TMEM109: variants seen among roughly 807,000 people sequenced by gnomAD.
The protein encoded by TMEM109 is transmembrane protein 109.
Under a neutral mutation model 26.4 loss-of-function variants are expected in TMEM109, and 19 were observed. The observed-to-expected ratio is 0.72, with a 90% CI of 0.50 to 1.06. The LOEUF is 1.06. Among genes scored for constraint, TMEM109 ranks in the 50% least tolerant of loss-of-function variants. TMEM109 has a pLI of 0.00. For missense variants in TMEM109, 262 were observed against 303.4 expected, an observed-to-expected ratio of 0.86 and a Z score of 1.01; for synonymous variants, 129 against 142.0, an observed-to-expected ratio of 0.91 and a Z score of 0.65.
chr11:60,920,772 T>G, intron 2 of TMEM109, 114 bp from the exon 3 acceptor site: 179 of 963,878 alleles, frequency 1.9e-4, no homozygotes, highest in Non-Finnish European at 2.5e-4. Flanking sequence ...CACCACTGGG[T>G]GAGAAACAGG....
At chr11:60,921,087 G>T in intron 3 of TMEM109, 99 bp downstream of exon 3, 2 of 1,063,726 alleles carry the variant, frequency 1.9e-6, no homozygotes, top group East Asian at 4.9e-5. Flanking sequence ...TCCCCAAGCT[G>T]CTTAACCCTT....
intron 1 of TMEM109, among the ~76,000 whole-genome samples, chr11:60,915,853 C>G (rs1302315561): frequency 6.6e-6 from 1 of 152,198 alleles, no homozygotes; most frequent in Non-Finnish European, 1.5e-5. Context: ...GTTTCCCCAG[C>G]CAGGCTGGGC....
chr11:60,919,810 T>A lies in TMEM109; in HGVS notation c.117T>A (p.Phe39Leu), dbSNP rs754193967. 5 of 1,614,046 alleles carry A rather than the reference T, an allele frequency of 3.1e-6. No homozygotes were observed. In the African/African-American group the frequency reaches 6.7e-5, roughly 22 times the overall value. Reference sequence around the variant, plus strand: ...CATTGGCCCAGTCCCGTCGAGACTTTGCACCACCAGGCCAACAGAAGAGAG... The same window carrying A: ...CATTGGCCCAGTCCCGTCGAGACTTAGCACCACCAGGCCAACAGAAGAGAG... Reference protein sequence around the residue: ...HSALAQSRRDFAPPGQQKREA... With the variant: ...HSALAQSRRDLAPPGQQKREA... Residue 39 changes from phenylalanine to leucine, a missense_variant, in exon 2 of 4, where the codon TTT becomes TTA. Transcript: ENST00000227525.
At chr11:60,915,209 C>T (rs1856160335) in intron 1 of TMEM109, among the ~76,000 whole-genome samples, 1 of 152,226 alleles carries the variant, frequency 6.6e-6, no homozygotes, top group South Asian at 2.1e-4. Flanking sequence ...TGCAACATTT[C>T]TATAGATGTT....
intron 1 of TMEM109, among the ~76,000 whole-genome samples, chr11:60,915,074 TCCTACTAG>T (rs1240930867): frequency 6.6e-6 from 1 of 152,244 alleles, no homozygotes; most frequent in Non-Finnish European, 1.5e-5. Context: ...TAGTCATCTT[TCCTACTAG>T]GCGCTGGGGA....
At chr11:60,919,652 T>C (rs749416162) in intron 1 of TMEM109, 34 bp from the exon 2 acceptor site, 5 of 1,542,008 alleles carry the variant, frequency 3.2e-6, no homozygotes, top group Non-Finnish European at 4.5e-6. Context: ...GTGTCTACCA[T>C]GGCACTCAGC....
chr11:60,922,736 C>T lies in TMEM109; in HGVS notation c.*571C>T. ...AGGATAAAGGGTGGGGAAACAGGGT[C>T]CCCTGAGGCCTGTGGGGGCTGCAGG... On this transcript the variant is annotated 3_prime_UTR_variant, in exon 4 of 4. Transcript: ENST00000227525. 1 of 212,974 alleles carries T rather than the reference C, an allele frequency of 4.7e-6. No individual in the cohort carries two copies. The highest frequency in any genetic ancestry group is 9.7e-6 in the Non-Finnish European group (1 of 103,472). The allele number at this position is 212,974 out of a possible 1,614,324, so 13.2% of individuals were successfully genotyped here.
At chr11:60,920,603 A>G (rs1856225131) in intron 2 of TMEM109, among the ~76,000 whole-genome samples, 1 of 152,158 alleles carries the variant, frequency 6.6e-6, no homozygotes, top group African/African-American at 2.4e-5. Flanking sequence ...TACTCCCTCC[A>G]AAGTATCCCA....
rs139328208 is a variant in TMEM109 at position 60,919,800 on chromosome 11, G to A, written c.107G>A (p.Arg36His). 119 of 1,614,100 alleles carry A rather than the reference G, an allele frequency of 7.4e-5. No homozygotes were observed. The highest frequency in any genetic ancestry group is 3.8e-4 in the East Asian group (17 of 44,886). The change falls in exon 2 of 4, where the codon CGT becomes CAT. Residue 36 changes from arginine to histidine, a missense_variant. Coordinates refer to ENST00000227525, the MANE Select transcript of TMEM109 (RefSeq NM_024092.3). ...CTCCACTCAGCATTGGCCCAGTCCC[G>A]TCGAGACTTTGCACCACCAGGCCAA... ...ILLHSALAQS[R>H]RDFAPPGQQK...
chr11:60,920,978 G>A lies in TMEM109; in HGVS notation c.330G>A (p.Leu110=). 1 of 1,614,048 alleles carries A rather than the reference G, an allele frequency of 6.2e-7. No individual in the cohort carries two copies. The highest frequency in any genetic ancestry group is 8.5e-7 in the Non-Finnish European group (1 of 1,179,938). The change falls in exon 3 of 4, where the codon TTG becomes TTA. Residue 110 remains leucine (L), a synonymous_variant. Coordinates refer to ENST00000227525, the MANE Select transcript of TMEM109 (RefSeq NM_024092.3). The part of the protein sequence containing the change: ...SGIAAQLLNA[L]GLAGDYLAQG... ...TCGCCGCACAGCTGCTGAATGCCTT[G>A]GGACTAGCTGGTGAGTGTTCGAGTG... is the stretch of plus-strand genomic sequence containing the variant.
At chr11:60,917,401 C>T (rs1856184917) in intron 1 of TMEM109, among the ~76,000 whole-genome samples, 1 of 152,178 alleles carries the variant, frequency 6.6e-6, no homozygotes, top group South Asian at 2.1e-4. Flanking sequence ...CATTTCTGAA[C>T]CTGGAGGGGA....
chr11:60,914,985 C>T (rs760214832), intron 1 of TMEM109, among the ~76,000 whole-genome samples: 54 of 152,352 alleles, frequency 3.5e-4, no homozygotes, highest in Non-Finnish European at 6.2e-4. Context: ...TAACCTCCCT[C>T]CTCACCTCTC....
At chr11:60,917,803 G>A (rs1184545877) in intron 1 of TMEM109, among the ~76,000 whole-genome samples, 4 of 151,922 alleles carry the variant, frequency 2.6e-5, no homozygotes, top group Admixed American at 1.3e-4. Context: ...GTACAGGCAC[G>A]CACCACCACA....
At chr11:60,921,517 G>A (rs1856238063) in intron 3 of TMEM109, among the ~76,000 whole-genome samples, 1 of 152,138 alleles carries the variant, frequency 6.6e-6, no homozygotes, top group Non-Finnish European at 1.5e-5. Flanking sequence ...TTAATTGCCA[G>A]CCACAGTACA....
Position 60,922,236 on chromosome 11 carries a change from G to A in TMEM109, c.*71G>A, listed in dbSNP as rs1172373501. The A allele has an allele frequency of 1.9e-6, 3 of 1,549,322 alleles. No homozygotes were observed. Among genetic ancestry groups the A allele is most frequent in the Non-Finnish European group, 1.7e-6 (2 of 1,147,012 alleles). On this transcript the variant is annotated 3_prime_UTR_variant, in exon 4 of 4. Coordinates refer to ENST00000227525, the MANE Select transcript of TMEM109 (RefSeq NM_024092.3). Reference sequence around the variant, plus strand: ...TGCTTCGGGGCCATGCAGCCCTCCTGCCAGCCCCCTGCCCTTTTCTTGCCC... The same window carrying A: ...TGCTTCGGGGCCATGCAGCCCTCCTACCAGCCCCCTGCCCTTTTCTTGCCC...
intron 1 of TMEM109, among the ~76,000 whole-genome samples, chr11:60,917,500 A>C (rs528896127): frequency 6.6e-6 from 1 of 152,328 alleles, no homozygotes; most frequent in South Asian, 2.1e-4. Context: ...GCTGATCCTT[A>C]CCTGCTTCAA....
intron 3 of TMEM109, 25 bp from the exon 4 acceptor site, chr11:60,921,749 A>G: frequency 6.3e-7 from 1 of 1,588,046 alleles, no homozygotes; most frequent in Non-Finnish European, 8.6e-7. Flanking sequence ...AGGTTGGCTG[A>G]CTCTGTGACT....
intron 1 of TMEM109, among the ~76,000 whole-genome samples, chr11:60,915,897 C>T (rs186452300): frequency 6.6e-5 from 10 of 152,276 alleles, no homozygotes; most frequent in South Asian, 4.1e-4. Context: ...TTGCAGCTGC[C>T]GAACAGAAGT....
rs373826083 is a variant in TMEM109, at chr11:60,914,190, A to T, written c.-87A>T. Reference sequence around the variant, plus strand: ...CTTGCGCATGCGGAGAAGGTAAACCAGCGCCCCGAGTTGAGGCGCGGGTTT... The same window carrying T: ...CTTGCGCATGCGGAGAAGGTAAACCTGCGCCCCGAGTTGAGGCGCGGGTTT... On this transcript the variant is annotated 5_prime_UTR_variant, in exon 1 of 4. Transcript: ENST00000227525. The T allele has an allele frequency of 6.6e-6, 1 of 152,204 alleles. No homozygotes were observed. Among genetic ancestry groups the T allele is most frequent in the Non-Finnish European group, 1.5e-5 (1 of 68,040 alleles). 9.4% of individuals were successfully genotyped at this position (152,204 alleles called of 1,614,324 possible). A position where few individuals can be genotyped will look rare whatever the true frequency, so the allele number is the denominator to read the frequency against.
Sources: gnomAD v4.1 joint callset for allele counts (sites outside exome capture counted in the v4.1 genomes callset) on GRCh38, gnomAD v4.1.1 for gene constraint, MANE v1.5 for transcripts, NCBI Gene and HGNC (gene_info 2026-07-23, HGNC 2026-07-21) for gene names.